The following AKNAD1 variants were observed in gnomAD, a reference collection of about 807,000 sequenced individuals.
AKNAD1 encodes AKNA domain containing 1, also known as protein AKNAD1.
A neutral mutation model predicts 90.8 loss-of-function variants in AKNAD1; 67 were observed. The observed-to-expected ratio is 0.74, with a 90% CI of 0.61 to 0.90. AKNAD1 has a LOEUF of 0.90. AKNAD1 is among the 40% of genes least tolerant of loss of function. The pLI is 0.00. For synonymous variants in AKNAD1, 327 were observed against 341.4 expected (o/e 0.96, Z 0.46); for missense variants, 957 against 975.4 (o/e 0.98, Z 0.25).
intron 10 of AKNAD1, among the ~76,000 whole-genome samples, chr1:108,827,660 A>C (rs568682580): frequency 1.3e-5 from 2 of 150,954 alleles, no homozygotes; most frequent in South Asian, 4.2e-4. Flanking sequence ...TAAAAGTACA[A>C]AAAATTAGCT....
intron 10 of AKNAD1, among the ~76,000 whole-genome samples, chr1:108,828,331 T>G (rs1664078197): frequency 6.6e-6 from 1 of 151,642 alleles, no homozygotes; most frequent in Non-Finnish European, 1.5e-5. Context: ...CAATGGACAT[T>G]GTTCAGGAGC....
chr1:108,833,537 C>G (rs143747655), intron 9 of AKNAD1, among the ~76,000 whole-genome samples: 4,572 of 151,814 alleles, frequency 0.03, 226 homozygotes, highest in African/African-American at 0.1. Flanking sequence ...GAGCTGGGAT[C>G]GCACCATTGC....
At chr1:108,819,748 CA>C (rs66876338) in intron 14 of AKNAD1, among the ~76,000 whole-genome samples, 41,369 of 150,158 alleles carry the variant, frequency 0.28, 6,376 homozygotes, top group East Asian at 0.69. Context: ...TCTGTCTCTA[CA>C]AATTTTTTTT....
intron 5 of AKNAD1, among the ~76,000 whole-genome samples, chr1:108,848,521 C>T (rs1311459879): frequency 6.6e-6 from 1 of 152,022 alleles, no homozygotes; most frequent in Non-Finnish European, 1.5e-5. Flanking sequence ...AGTAACCTGG[C>T]AAGGAGTAAT....
At position 108,849,560 on chromosome 1, in the gene AKNAD1, T is replaced by G. The variant is rs774273707; in HGVS notation, c.1010A>C (p.His337Pro). ...SQQIQMEPIV[H>P]IHQELLTGIE... The stretch of plus-strand genomic sequence containing the variant: ...ACCTGTGAGAAGTTCTTGGTGGATA[T>G]GTACTATGGGCTCCATCTGCACAAT... Residue 337 changes from histidine to proline, a missense_variant, in exon 3 of 16, where the codon CAT (histidine) becomes CCT (proline). Coordinates refer to ENST00000370001, the MANE Select transcript of AKNAD1 (RefSeq NM_152763.5). 6.3e-7 allele frequency: 1 copy of G among 1,596,420 alleles called. No homozygotes were observed. The highest frequency in any genetic ancestry group is 8.6e-7 in the Non-Finnish European group (1 of 1,163,850).
chr1:108,834,456 A>T lies in AKNAD1; in HGVS notation c.1737T>A (p.Ser579=). ...GGCTGCAGGACATTACCCCAGAGTT[A>T]GAAGACAGCCTCATGGCCACTTGGT... ...KPDQVAMRLS[S]NSGEDPNGTP... Residue 579 remains serine (S), a synonymous_variant, in exon 9 of 16, where the codon TCT becomes TCA. Transcript: ENST00000370001. 6.2e-7 allele frequency: 1 copy of T among 1,610,054 alleles called. No homozygotes were observed. Among genetic ancestry groups the T allele is most frequent in the Admixed American group, 1.7e-5 (1 of 59,552 alleles).
chr1:108,823,525 C>G (rs1450325122), intron 12 of AKNAD1, 41 bp downstream of exon 12: 1 of 1,611,436 alleles, frequency 6.2e-7, no homozygotes, highest in Non-Finnish European at 8.5e-7. Context: ...GGAACAGTGA[C>G]TGTCCCCACT....
chr1:108,839,866 T>A lies in AKNAD1; in HGVS notation c.1380-2160A>T, dbSNP rs546861693. On this transcript the variant is annotated intron_variant, in intron 6 of 15. Coordinates refer to ENST00000370001, the MANE Select transcript of AKNAD1 (RefSeq NM_152763.5). The stretch of plus-strand genomic sequence containing the variant: ...GGAGACCATGTCTCTACAAAAAAAA[T>A]TTTTTTTAATTAGCTGGGAGTGGTG... Among the ~76,000 whole-genome samples, 93 of 151,912 alleles carry A rather than the reference T, an allele frequency of 6.1e-4. 1 individual carries two copies. The highest frequency in any genetic ancestry group is 1.2e-3 in the East Asian group (6 of 5,162).
chr1:108,846,769 C>T (rs537041127), intron 5 of AKNAD1, among the ~76,000 whole-genome samples: 1 of 152,240 alleles, frequency 6.6e-6, no homozygotes, highest in South Asian at 2.1e-4. Context: ...GCTCTGCAGG[C>T]CAGATCCACT....
At chr1:108,839,395 G>A (rs1234794103) in intron 6 of AKNAD1, among the ~76,000 whole-genome samples, 1 of 150,636 alleles carries the variant, frequency 6.6e-6, no homozygotes, top group Admixed American at 6.6e-5. Context: ...ATGGCGTGAA[G>A]CCGGGAGGCG....
At chr1:108,843,774 G>C (rs1285275009) in intron 5 of AKNAD1, among the ~76,000 whole-genome samples, 4 of 152,190 alleles carry the variant, frequency 2.6e-5, no homozygotes, top group Non-Finnish European at 5.9e-5. Context: ...AGTCTGTGGG[G>C]AGTTGGAGGA....
intron 11 of AKNAD1, among the ~76,000 whole-genome samples, chr1:108,826,926 C>G (rs1042973412): frequency 6.6e-6 from 1 of 150,772 alleles, no homozygotes; most frequent in East Asian, 2.0e-4. Context: ...TTTTTTTGTA[C>G]AGATGGAATG....
intron 1 of AKNAD1, among the ~76,000 whole-genome samples, chr1:108,853,322 G>A (rs1452036958): frequency 4.0e-5 from 6 of 151,678 alleles, no homozygotes; most frequent in Admixed American, 6.6e-5. Context: ...TAGTAGAGAT[G>A]GGGTTTCACC....
At chr1:108,850,579 C>T (rs1390292261) in intron 2 of AKNAD1, among the ~76,000 whole-genome samples, 1 of 151,892 alleles carries the variant, frequency 6.6e-6, no homozygotes, top group African/African-American at 2.4e-5. Context: ...GCTCAAACTC[C>T]CCAGGCATTC....
At chr1:108,850,921 G>A (rs76422841) in intron 2 of AKNAD1, among the ~76,000 whole-genome samples, 39 of 151,978 alleles carry the variant, frequency 2.6e-4, no homozygotes, top group Middle Eastern at 3.4e-3. Flanking sequence ...GGGAAAGGGG[G>A]AATAGCATAA....
intron 3 of AKNAD1, among the ~76,000 whole-genome samples, chr1:108,849,311 C>T (rs1664786218): frequency 6.6e-6 from 1 of 150,526 alleles, no homozygotes; most frequent in Non-Finnish European, 1.5e-5. Context: ...TGAGACCCCA[C>T]ATCTACAAAA....
In AKNAD1 at chr1:108,848,902, A is replaced by C. The variant is rs758195443; in HGVS notation, c.1182+10T>G. On this transcript the variant is annotated intron_variant, in intron 4 of 15. Coordinates refer to ENST00000370001, the MANE Select transcript of AKNAD1 (RefSeq NM_152763.5). ...CTTATATTGTTTATAATAAGCTTTA[A>C]AAGTATTACTTTAGTCTTCAGTTGA... 2.3e-5 allele frequency: 37 copies of C among 1,599,654 alleles called. No homozygotes were observed. Among genetic ancestry groups the C allele is most frequent in the Non-Finnish European group, 3.1e-5 (37 of 1,175,772 alleles).
At chr1:108,857,497 G>A (rs142313231), upstream of AKNAD1, 7 of 152,744 alleles carry the variant, frequency 4.6e-5, no homozygotes, top group East Asian at 1.9e-4. Context: ...TGTTGTTTCC[G>A]GCTGGTAGGT....
intron 6 of AKNAD1, among the ~76,000 whole-genome samples, chr1:108,840,562 C>T (rs1040823458): frequency 3.3e-5 from 5 of 151,920 alleles, no homozygotes; most frequent in Non-Finnish European, 7.4e-5. Context: ...ATAAGAATAG[C>T]TATAAGAAAA....
Sources: allele counts gnomAD v4.1 joint callset (sites outside exome capture counted in the v4.1 genomes callset), GRCh38; gene constraint gnomAD v4.1.1; transcripts MANE v1.5; gene names NCBI Gene and HGNC (gene_info 2026-07-23, HGNC 2026-07-21).